DISP1: variants seen among roughly 807,000 people sequenced by gnomAD.
DISP1 encodes dispatched RND transporter family member 1.
A neutral mutation model predicts 37.3 loss-of-function variants in DISP1; 30 were observed. The observed-to-expected ratio is 0.80, with a 90% CI of 0.60 to 1.09. The LOEUF (loss-of-function observed/expected upper bound fraction) is 1.09. DISP1 is among the 50% of genes least tolerant of loss of function. DISP1 has a pLI of 0.00. For synonymous variants in DISP1, 634 were observed against 690.2 expected, an observed-to-expected ratio of 0.92 and a Z score of 1.28; for missense variants, 1,598 against 1,879.5, an observed-to-expected ratio of 0.85 and a Z score of 2.77.
intron 3 of DISP1, among the ~76,000 whole-genome samples, chr1:222,961,163 G>GA (rs1676031490): frequency 6.6e-6 from 1 of 151,790 alleles, no homozygotes; most frequent in South Asian, 2.1e-4. Context: ...GAGACACAAC[G>GA]AAAAAAAGAA....
chr1:222,975,330 CTGT>C (rs1677236772), intron 3 of DISP1, among the ~76,000 whole-genome samples: 1 of 152,208 alleles, frequency 6.6e-6, no homozygotes, highest in African/African-American at 2.4e-5. Flanking sequence ...CCACCTGAGA[CTGT>C]CCCTTTGTAA....
intron 3 of DISP1, among the ~76,000 whole-genome samples, chr1:222,952,802 G>T (rs75086772): frequency 6.6e-6 from 1 of 152,004 alleles, no homozygotes; most frequent in East Asian, 1.9e-4. Flanking sequence ...AGCCGAGATC[G>T]CGCCACTGCA....
rs1453216994 is a variant in DISP1 at position 222,893,875 on chromosome 1, G to C, written c.-158-34555G>C. On this transcript the variant is annotated intron_variant, in intron 1 of 8. Coordinates refer to ENST00000675850, the MANE Select transcript of DISP1 (RefSeq NM_001377229.1). This position sits in a 1 kb window ranked among gnomAD's most constrained non-coding sequence, Gnocchi z 4.3. Reference sequence around the variant, plus strand: ...GCCATTCAGCAGGTCCTAAGTTCTTGTCCCGTGTCCAGGAATAATGAGGTA... The same window carrying C: ...GCCATTCAGCAGGTCCTAAGTTCTTCTCCCGTGTCCAGGAATAATGAGGTA... Among the ~76,000 whole-genome samples the C allele has an allele frequency of 6.6e-6, 1 of 152,188 alleles. No individual in the cohort carries two copies. The highest frequency in any genetic ancestry group is 1.5e-5 in the Non-Finnish European group (1 of 68,038).
chr1:222,937,653 A>T (rs1304846533), intron 2 of DISP1, among the ~76,000 whole-genome samples: 1 of 152,168 alleles, frequency 6.6e-6, no homozygotes, highest in African/African-American at 2.4e-5. Flanking sequence ...AATGCTGGCT[A>T]AAAATGTAAA....
chr1:222,980,785 T>G (rs1677776153), intron 3 of DISP1, among the ~76,000 whole-genome samples: 1 of 152,218 alleles, frequency 6.6e-6, no homozygotes. Context: ...ACCTTTTTTC[T>G]TAAAGCAACA....
rs1218586951 is a variant in DISP1 at position 222,823,372 on chromosome 1, A to G, written c.-159+8294A>G. Among the ~76,000 whole-genome samples the G allele has an allele frequency of 3.3e-5, 5 of 152,230 alleles. No individual in the cohort carries two copies. The East Asian group carries it at 7.7e-4, about 23-fold the overall frequency. ...GTGCAGCTTAAAAAAGAATGCAGTC[A>G]TGTCTTTTGCAGCAACATAGATGGA... On this transcript the variant is annotated intron_variant, in intron 1 of 8. Transcript: ENST00000675850.
chr1:222,824,848 A>G (rs1663897713), intron 1 of DISP1, among the ~76,000 whole-genome samples: 1 of 152,186 alleles, frequency 6.6e-6, no homozygotes, highest in Non-Finnish European at 1.5e-5. Flanking sequence ...AGCTTTGATT[A>G]AAATCACCCA....
chr1:222,964,769 G>A (rs1310540197), intron 3 of DISP1, among the ~76,000 whole-genome samples: 1 of 152,156 alleles, frequency 6.6e-6, no homozygotes, highest in Non-Finnish European at 1.5e-5. Context: ...TTTTTCAGTG[G>A]GCTTTTGAAA....
chr1:222,989,098 C>T (rs919617254), intron 4 of DISP1, among the ~76,000 whole-genome samples: 5 of 152,068 alleles, frequency 3.3e-5, no homozygotes, highest in East Asian at 1.9e-4. Flanking sequence ...AAAGTTAAGA[C>T]ATCAGATTAT....
intron 1 of DISP1, among the ~76,000 whole-genome samples, chr1:222,854,814 TAAG>T (rs1668462745): frequency 6.6e-6 from 1 of 151,940 alleles, no homozygotes; most frequent in African/African-American, 2.4e-5. Context: ...ACCCAAATGT[TAAG>T]GAGATAAATG....
chr1:222,865,530 AT>A (rs1669135551), intron 1 of DISP1, among the ~76,000 whole-genome samples: 1 of 152,226 alleles, frequency 6.6e-6, no homozygotes. Flanking sequence ...AAAAGCTGAA[AT>A]GCTGCAATTT....
rs552588179 is a variant in DISP1 at position 222,964,273 on chromosome 1, T to A, written c.510-18807T>A. On this transcript the variant is annotated intron_variant, in intron 3 of 8. Transcript: ENST00000675850. ...AAGATCGCACCACTGCACTCCAGCC[T>A]GGCGACAGAGCGAGACTCTATCTCA... is the stretch of plus-strand genomic sequence containing the variant. 4.3e-4 allele frequency among the ~76,000 whole-genome samples: 60 copies of A among 139,430 alleles called. 1 individual carries two copies. The highest frequency in any genetic ancestry group is 4.8e-4 in the Non-Finnish European group (32 of 66,078). 91.5% of individuals were successfully genotyped at this position (139,430 alleles called of 152,430 possible). A position where few individuals can be genotyped will look rare whatever the true frequency, so the allele number is the denominator to read the frequency against.
intron 1 of DISP1, among the ~76,000 whole-genome samples, chr1:222,896,390 C>T (rs568118776): frequency 3.1e-4 from 47 of 152,142 alleles, no homozygotes; most frequent in African/African-American, 1.1e-3. Context: ...CACCTGAGGT[C>T]AGGAGTTTGA....
intron 1 of DISP1, among the ~76,000 whole-genome samples, chr1:222,815,816 C>T (rs1661075620): frequency 6.6e-6 from 1 of 152,100 alleles, no homozygotes; most frequent in Admixed American, 6.5e-5. Context: ...TTTAGCTTGT[C>T]TTATTTCCCT....
chr1:222,864,615 A>G (rs1669074136), intron 1 of DISP1, among the ~76,000 whole-genome samples: 1 of 152,132 alleles, frequency 6.6e-6, no homozygotes, highest in Non-Finnish European at 1.5e-5. Context: ...TTTTGTTTTA[A>G]AAAAACTTTG....
At chr1:222,838,163 CTAATA>C (rs1339090779) in intron 1 of DISP1, among the ~76,000 whole-genome samples, 2 of 152,008 alleles carry the variant, frequency 1.3e-5, no homozygotes, top group African/African-American at 4.8e-5. Flanking sequence ...TTTTCTTTCC[CTAATA>C]TAATTATCAC....
chr1:222,832,618 G>A (rs929475524), intron 1 of DISP1, among the ~76,000 whole-genome samples: 4 of 152,142 alleles, frequency 2.6e-5, no homozygotes, highest in Non-Finnish European at 4.4e-5. Flanking sequence ...ATGAAGGCCC[G>A]GCATGGTGGC....
In DISP1 at chr1:222,893,642, C is replaced by T. The variant is rs1364535403; in HGVS notation, c.-158-34788C>T. On this transcript the variant is annotated intron_variant, in intron 1 of 8. Transcript: ENST00000675850. The surrounding 1 kb of genome is among the most constrained non-coding windows in gnomAD (Gnocchi z 4.3). ...GATGTACTGCATGCAGCTTCCACTG[C>T]GGGCACCCATGTCTGGATGAGGGGA... Among the ~76,000 whole-genome samples, 1 of 152,190 alleles carries T rather than the reference C, an allele frequency of 6.6e-6. No individual in the cohort carries two copies. Among genetic ancestry groups the T allele is most frequent in the African/African-American group, 2.4e-5 (1 of 41,448 alleles).
At chr1:222,877,641 C>T (rs1670038983) in intron 1 of DISP1, among the ~76,000 whole-genome samples, 1 of 152,160 alleles carries the variant, frequency 6.6e-6, no homozygotes, top group Non-Finnish European at 1.5e-5. Flanking sequence ...CATTGTCCTG[C>T]CTGTATATGA....
Sources: allele counts gnomAD v4.1 joint callset (sites outside exome capture counted in the v4.1 genomes callset), GRCh38; gene constraint gnomAD v4.1.1; non-coding constraint Gnocchi (gnomAD v3.1); transcripts MANE v1.5; gene names NCBI Gene and HGNC (gene_info 2026-07-23, HGNC 2026-07-21).